The following PSMC1 variants were observed in gnomAD, a reference collection of about 807,000 sequenced individuals.
PSMC1 encodes the protein 26S proteasome regulatory subunit 4.
A neutral mutation model predicts 49.8 loss-of-function variants in PSMC1; 5 were observed. The observed-to-expected ratio is 0.10, with a 90% CI of 0.05 to 0.21. PSMC1 has a LOEUF of 0.21. Among genes scored for constraint, PSMC1 ranks in the 10% least tolerant of loss-of-function variants. PSMC1 has a pLI of 1.00. For missense variants in PSMC1, 181 were observed against 535.7 expected (o/e 0.34, Z 6.54); for synonymous variants, 155 against 192.1 (o/e 0.81, Z 1.60).
Position 90,263,648 on chromosome 14 carries a change from A to T in PSMC1, c.280-14A>T, listed in dbSNP as rs185710849. Reference sequence around the variant, plus strand: ...GTCTAGTCTGCTTTTTTCCCTTGGCATTTTCATATGTAGGAGGAAAGATCA... The same window carrying T: ...GTCTAGTCTGCTTTTTTCCCTTGGCTTTTTCATATGTAGGAGGAAAGATCA... On this transcript the variant is annotated splice_polypyrimidine_tract_variant and intron_variant, in intron 4 of 10. Coordinates refer to ENST00000261303, the MANE Select transcript of PSMC1 (RefSeq NM_002802.3). The T allele has an allele frequency of 4.3e-5, 70 of 1,609,248 alleles. No individual in the cohort carries two copies. The African/African-American group carries it at 8.8e-4, about 20-fold the overall frequency.
rs1409651937 is a variant in PSMC1 at position 90,275,032 on chromosome 14, G to C, written c.*2625G>C. On this transcript the variant is annotated 3_prime_UTR_variant, in exon 11 of 11. Coordinates refer to ENST00000261303, the MANE Select transcript of PSMC1 (RefSeq NM_002802.3). ...CTTTGAAAGTACGTGCCACCCAAGA[G>C]TGTCAGTGCTGTCACACTCCTGCCA... is the stretch of plus-strand genomic sequence containing the variant. The C allele has an allele frequency of 6.6e-6, 1 of 152,214 alleles. No homozygotes were observed. The highest frequency in any genetic ancestry group is 2.4e-5 in the African/African-American group (1 of 41,438). 9.4% of individuals were successfully genotyped at this position (152,214 alleles called of 1,614,324 possible).
In PSMC1 at chr14:90,274,806, AC is replaced by A. The variant is rs1891760359; in HGVS notation, c.*2400del. 1 of 67,694 alleles carries A rather than the reference AC, an allele frequency of 1.5e-5. No homozygotes were observed. Among genetic ancestry groups the A allele is most frequent in the Non-Finnish European group, 3.0e-5 (1 of 33,392 alleles). 4.2% of individuals were successfully genotyped at this position (67,694 alleles called of 1,614,324 possible). On this transcript the variant is annotated 3_prime_UTR_variant, in exon 11 of 11. Transcript: ENST00000261303. ...GGGAACTACACACACACACACACAC[AC>A]ACACACACACACACACACACACACA... is the stretch of plus-strand genomic sequence containing the variant.
intron 4 of PSMC1, 68 bp from the exon 5 acceptor site, chr14:90,263,594 A>G (rs1891445629): frequency 6.5e-7 from 1 of 1,547,356 alleles, no homozygotes; most frequent in Non-Finnish European, 8.9e-7. Context: ...TTGTAAATCT[A>G]GCGAACTATC....
intron 7 of PSMC1, among the ~76,000 whole-genome samples, chr14:90,265,819 A>C (rs1484078496): frequency 1.3e-5 from 2 of 151,850 alleles, no homozygotes; most frequent in East Asian, 3.9e-4. Context: ...TGATCACACC[A>C]CTGCATTTCA....
rs960301572 is a variant in PSMC1, at chr14:90,274,657, A to ATAAGGACATGTCC, written c.*2259_*2271dup. ...AAAGCAAGGGAGTGCTCAAGGAATG[A>ATAAGGACATGTCC]TAAGGACATGTCCTAAGGACACCGA... On this transcript the variant is annotated 3_prime_UTR_variant, in exon 11 of 11. Transcript: ENST00000261303. 3.9e-5 allele frequency: 6 copies of ATAAGGACATGTCC among 152,208 alleles called. No homozygotes were observed. The highest frequency in any genetic ancestry group is 1.4e-4 in the African/African-American group (6 of 41,424). The allele number at this position is 152,208 out of a possible 1,614,324, so 9.4% of individuals were successfully genotyped here.
At chr14:90,260,015 T>G in intron 2 of PSMC1, 100 bp from the exon 3 acceptor site, 1 of 679,284 alleles carries the variant, frequency 1.5e-6, no homozygotes, top group Non-Finnish European at 2.3e-6. Context: ...ATAAGGAAAA[T>G]TGTACCACCT....
intron 6 of PSMC1, among the ~76,000 whole-genome samples, chr14:90,264,391 CTTT>C (rs768151328): frequency 9.2e-5 from 14 of 152,182 alleles, no homozygotes; most frequent in Non-Finnish European, 1.5e-4. Context: ...CAGCTTCCTT[CTTT>C]TTAGTGTAAT....
intron 4 of PSMC1, 70 bp from the exon 5 acceptor site, chr14:90,263,592 C>A: frequency 6.5e-7 from 1 of 1,543,838 alleles, no homozygotes; most frequent in African/African-American, 1.4e-5. Flanking sequence ...CTTTGTAAAT[C>A]TAGCGAACTA....
chr14:90,264,000 A>T, intron 5 of PSMC1, 41 bp from the exon 6 acceptor site: 1 of 1,589,880 alleles, frequency 6.3e-7, no homozygotes, highest in East Asian at 2.2e-5. Context: ...AGATCCAGCA[A>T]ACCTCACGTT....
intron 6 of PSMC1, among the ~76,000 whole-genome samples, chr14:90,264,448 G>A (rs1891465372): frequency 6.6e-6 from 1 of 152,224 alleles, no homozygotes; most frequent in African/African-American, 2.4e-5. Context: ...TTCTGATTAT[G>A]TTGACTTCAG....
At chr14:90,256,950 G>A (rs1204636549) in intron 1 of PSMC1, among the ~76,000 whole-genome samples, 1 of 152,124 alleles carries the variant, frequency 6.6e-6, no homozygotes, top group Non-Finnish European at 1.5e-5. Flanking sequence ...GCGCCTCCTC[G>A]AGTCACCGGG....
At chr14:90,266,996 T>C (rs1235236117) in intron 7 of PSMC1, among the ~76,000 whole-genome samples, 7 of 151,640 alleles carry the variant, frequency 4.6e-5, no homozygotes, top group Non-Finnish European at 1.0e-4. Context: ...CTGCCAGCTC[T>C]GCCCCTAACT....
chr14:90,265,782 C>T (rs1238108366), intron 7 of PSMC1, among the ~76,000 whole-genome samples: 2 of 151,670 alleles, frequency 1.3e-5, no homozygotes, highest in East Asian at 1.9e-4. Flanking sequence ...TCACTTGAGC[C>T]CTGGAGGTTG....
chr14:90,260,601 G>A (rs554251771), intron 3 of PSMC1, among the ~76,000 whole-genome samples: 185 of 152,228 alleles, frequency 1.2e-3, no homozygotes, highest in African/African-American at 4.2e-3. Context: ...GCGTGGTGGC[G>A]GGTGCCTGTA....
rs1283296164 is a variant in PSMC1, at chr14:90,272,215, T to C, written c.1189-58T>C. 6.3e-7 allele frequency: 1 copy of C among 1,586,404 alleles called. No homozygotes were observed. The highest frequency in any genetic ancestry group is 1.9e-5 in the Admixed American group (1 of 53,142). ...GGCCTCAGAATAGGTTTTTTGGAAT[T>C]CCTTGTTAGAATAAAAATGAGTATG... On this transcript the variant is annotated intron_variant, in intron 10 of 10. Coordinates refer to ENST00000261303, the MANE Select transcript of PSMC1 (RefSeq NM_002802.3). This position sits in a 1 kb window ranked among gnomAD's most constrained non-coding sequence, Gnocchi z 4.5.
At chr14:90,261,169 TG>T (rs1173629236) in intron 3 of PSMC1, among the ~76,000 whole-genome samples, 1 of 152,218 alleles carries the variant, frequency 6.6e-6, no homozygotes, top group Non-Finnish European at 1.5e-5. Flanking sequence ...TTTTGACTTT[TG>T]TACATATCAG....
Position 90,263,338 on chromosome 14 carries a change from C to T in PSMC1, c.175C>T (p.Arg59Trp), listed in dbSNP as rs770805704. The change falls in exon 4 of 11, where the codon CGG (arginine) becomes TGG (tryptophan). Residue 59 changes from arginine (R) to tryptophan (W), a missense_variant. By Grantham distance (101) the Arg-to-Trp change is moderately radical. Transcript: ENST00000261303. ...TTCAGTGACACCTCACACTCAGTGC[C>T]GGTTAAAATTACTGAAGTTAGAGAG... The part of the protein sequence containing the change: ...LPLVTPHTQC[R>W]LKLLKLERIK... The T allele has an allele frequency of 3.8e-6, 6 of 1,596,074 alleles. No homozygotes were observed. The highest frequency in any genetic ancestry group is 1.9e-4 in the Middle Eastern group (1 of 5,228).
intron 3 of PSMC1, among the ~76,000 whole-genome samples, chr14:90,260,616 C>G (rs1304537922): frequency 6.6e-6 from 1 of 152,146 alleles, no homozygotes; most frequent in African/African-American, 2.4e-5. Flanking sequence ...CCTGTAGTCC[C>G]AGCTACTTGG....
Position 90,269,517 on chromosome 14 carries a change from A to G in PSMC1, c.1002A>G (p.Ile334Met). 1 of 1,614,020 alleles carries G rather than the reference A, an allele frequency of 6.2e-7. No individual in the cohort carries two copies. The highest frequency in any genetic ancestry group is 8.5e-7 in the Non-Finnish European group (1 of 1,179,986). The change falls in exon 9 of 11, where the codon ATA becomes ATG. Residue 334 changes from isoleucine to methionine, a missense_variant. This residue lies in a region of PSMC1 where 60 missense variants were observed against 155.5 expected (regional missense o/e 0.39). Coordinates refer to ENST00000261303, the MANE Select transcript of PSMC1 (RefSeq NM_002802.3). Reference sequence around the variant, plus strand: ...AAGTTATCATGGCCACAAACCGAATAGAAACTTTGGATCCAGCACTTATCA... The same window carrying G: ...AAGTTATCATGGCCACAAACCGAATGGAAACTTTGGATCCAGCACTTATCA... ...DVKVIMATNR[I>M]ETLDPALIRP...
Sources: gnomAD v4.1 joint callset for allele counts (sites outside exome capture counted in the v4.1 genomes callset) on GRCh38, gnomAD v4.1.1 for gene constraint, gnomAD v4.1.1 regional missense constraint, Gnocchi (gnomAD v3.1) non-coding constraint, MANE v1.5 for transcripts, NCBI Gene and HGNC (gene_info 2026-07-23, HGNC 2026-07-21) for gene names.